STT3A: variants seen among roughly 807,000 people sequenced by gnomAD.
The protein encoded by STT3A is dolichyl-diphosphooligosaccharide--protein glycosyltransferase subunit STT3A.
A neutral mutation model predicts 89.2 loss-of-function variants in STT3A; 34 were observed. That is an observed-to-expected ratio of 0.38 (90% CI 0.29 to 0.51). STT3A has a LOEUF of 0.51. STT3A is among the 20% of genes least tolerant of loss of function. The pLI, the probability that STT3A is intolerant of heterozygous loss-of-function variation, is 0.89. For missense variants in STT3A, 555 were observed against 889.5 expected (o/e 0.62, Z 4.78); for synonymous variants, 282 against 310.3 (o/e 0.91, Z 0.96).
In STT3A at chr11:125,621,802, C is replaced by T. The variant is rs1327891918; in HGVS notation, c.*992C>T. On this transcript the variant is annotated 3_prime_UTR_variant, in exon 18 of 18. Coordinates refer to ENST00000392708, the MANE Select transcript of STT3A (RefSeq NM_152713.5). ...CAGGTCCCTAGAGAGCAGTGCCAGC[C>T]TGCCTGCAAGAAAAGAGGAGAAACT... 6.6e-6 allele frequency: 1 copy of T among 152,184 alleles called. No individual in the cohort carries two copies. The highest frequency in any genetic ancestry group is 6.5e-5 in the Admixed American group (1 of 15,276). 9.4% of individuals were successfully genotyped at this position (152,184 alleles called of 1,614,324 possible). A position where few individuals can be genotyped will look rare whatever the true frequency, so the allele number is the denominator to read the frequency against.
At chr11:125,608,534 C>G in intron 9 of STT3A, 1 of 341,980 alleles carries the variant, frequency 2.9e-6, no homozygotes, top group East Asian at 6.4e-5. Flanking sequence ...CCATGTTTGT[C>G]AGGCTGGTCT....
intron 9 of STT3A, 125 bp from the exon 10 acceptor site, chr11:125,609,309 T>G: frequency 8.6e-6 from 11 of 1,280,144 alleles, no homozygotes; most frequent in Non-Finnish European, 1.2e-5. Context: ...TTGGTGGCAA[T>G]TAAGCAAAAA....
At chr11:125,618,744 A>ATTTTTTTTTTTTTTTTTTT (rs1565353087) in intron 16 of STT3A, among the ~76,000 whole-genome samples, 183 bp downstream of exon 16, 3 of 151,456 alleles carry the variant, frequency 2.0e-5, no homozygotes, top group African/African-American at 7.3e-5. Flanking sequence ...TTGTTTGCAT[A>ATTTTTTTTTTTTTTTTTTT]TTTTTTTGAG....
Position 125,614,381 on chromosome 11 carries a change from T to G in STT3A, c.1729T>G (p.Tyr577Asp). 3 of 1,614,150 alleles carry G rather than the reference T, an allele frequency of 1.9e-6. No homozygotes were observed. The highest frequency in any genetic ancestry group is 2.5e-6 in the Non-Finnish European group (3 of 1,179,984). ...GATCATGAGGGAGCTCGATGTCAGC[T>G]ATGTGCTGGTCATTTTTGGAGGCCT... ...YEIMRELDVS[Y>D]VLVIFGGLTG... Residue 577 changes from tyrosine to aspartate, a missense_variant, in exon 15 of 18, where the codon TAT becomes GAT. Tyr to Asp is a radical substitution (Grantham distance 160, BLOSUM62 -3). Transcript: ENST00000392708. This position sits in a 1 kb window ranked among gnomAD's most constrained non-coding sequence, Gnocchi z 4.9.
At chr11:125,605,272 A>G (rs1160610101) in intron 6 of STT3A, among the ~76,000 whole-genome samples, 1 of 152,158 alleles carries the variant, frequency 6.6e-6, no homozygotes, top group Non-Finnish European at 1.5e-5. Flanking sequence ...TTATATGTTA[A>G]GACATAGAGG....
Position 125,614,404 on chromosome 11 carries a change from C to G in STT3A, c.1752C>G (p.Gly584=), listed in dbSNP as rs199827787. The change falls in exon 15 of 18, where the codon GGC becomes GGG. Residue 584 remains glycine (G), a synonymous_variant. Coordinates refer to ENST00000392708, the MANE Select transcript of STT3A (RefSeq NM_152713.5). This position sits in a 1 kb window ranked among gnomAD's most constrained non-coding sequence, Gnocchi z 4.9. ...GCTATGTGCTGGTCATTTTTGGAGGCCTCACTGGGTATTCCTCTGATGGTA... is the reference window on the plus strand; with the variant it reads ...GCTATGTGCTGGTCATTTTTGGAGGGCTCACTGGGTATTCCTCTGATGGTA... The part of the protein sequence containing the change: ...DVSYVLVIFG[G]LTGYSSDDIN... 5.1e-4 allele frequency: 820 copies of G among 1,613,926 alleles called. No homozygotes were observed. Among genetic ancestry groups the G allele is most frequent in the Non-Finnish European group, 6.6e-4 (780 of 1,179,874 alleles).
At position 125,613,140 on chromosome 11, in the gene STT3A, G is replaced by A. The variant is rs1246168272; in HGVS notation, c.1517G>A (p.Arg506Gln). The A allele has an allele frequency of 1.2e-6, 2 of 1,613,102 alleles. No homozygotes were observed. The highest frequency in any genetic ancestry group is 1.7e-6 in the Non-Finnish European group (2 of 1,179,438). ...AGTAGGATCATATTTGATGACTTCC[G>A]AGAAGCATATTATTGGCTTCGTCAT... ...DGSRIIFDDF[R>Q]EAYYWLRHNT... Residue 506 changes from arginine to glutamine, a missense_variant, in exon 13 of 18, where the codon CGA becomes CAA. Physicochemically the swap from Arg to Gln is conservative, Grantham distance 43. Coordinates refer to ENST00000392708, the MANE Select transcript of STT3A (RefSeq NM_152713.5). This position sits in a 1 kb window ranked among gnomAD's most constrained non-coding sequence, Gnocchi z 4.2.
rs540684198 is a variant in STT3A, at chr11:125,602,377, G to A, written c.224G>A (p.Arg75Gln). The change falls in exon 4 of 18, where the codon CGA becomes CAA. Residue 75 changes from arginine (R) to glutamine (Q), a missense_variant. By Grantham distance (43) the Arg-to-Gln change is conservative. Transcript: ENST00000392708. ...FYKFHNWFDD[R>Q]AWYPLGRIIG... Reference sequence around the variant, plus strand: ...AAATTCCATAACTGGTTTGATGACCGAGCCTGGTACCCTTTGGGACGAATC... The same window carrying A: ...AAATTCCATAACTGGTTTGATGACCAAGCCTGGTACCCTTTGGGACGAATC... 1.1e-5 allele frequency: 18 copies of A among 1,613,592 alleles called. No homozygotes were observed. The highest frequency in any genetic ancestry group is 1.3e-5 in the African/African-American group (1 of 74,902).
At chr11:125,607,065 T>C (rs1402532563) in intron 8 of STT3A, among the ~76,000 whole-genome samples, 1 of 152,216 alleles carries the variant, frequency 6.6e-6, no homozygotes, top group African/African-American at 2.4e-5. Context: ...GGTGTGAAAG[T>C]GATCTGCATT....
chr11:125,604,383 T>C (rs370607544), intron 6 of STT3A, 136 bp downstream of exon 6: 19 of 802,306 alleles, frequency 2.4e-5, no homozygotes, highest in East Asian at 1.4e-4. Flanking sequence ...GAACGGATCT[T>C]GGACAAGCTC....
rs1940362890 is a variant in STT3A at position 125,622,015 on chromosome 11, A to T, written c.*1205A>T. On this transcript the variant is annotated 3_prime_UTR_variant, in exon 18 of 18. Transcript: ENST00000392708. ...GTGCCACTGTACTCCAGTCTGGGCGACAGTGAAATCTTGTCTAAACAAAAA... is the reference window on the plus strand; with the variant it reads ...GTGCCACTGTACTCCAGTCTGGGCGTCAGTGAAATCTTGTCTAAACAAAAA... The T allele has an allele frequency of 6.6e-6, 1 of 152,236 alleles. No individual in the cohort carries two copies. The highest frequency in any genetic ancestry group is 2.4e-5 in the African/African-American group (1 of 41,450). 9.4% of individuals were successfully genotyped at this position (152,236 alleles called of 1,614,324 possible).
rs11220152 is a variant in STT3A at position 125,610,718 on chromosome 11, G to A, written c.1118-710G>A. ...AAAAAAAATAATAATAATAATGCGC[G>A]CACACACCCATACCCACACACACCC... On this transcript the variant is annotated intron_variant, in intron 10 of 17. Coordinates refer to ENST00000392708, the MANE Select transcript of STT3A (RefSeq NM_152713.5). The A allele has an allele frequency of 5.4e-3, 427 of 79,370 alleles. 1 individual carries two copies. The highest frequency in any genetic ancestry group is 0.016 in the African/African-American group (379 of 23,408). The allele number at this position is 79,370 out of a possible 1,614,324, so 4.9% of individuals were successfully genotyped here.
At chr11:125,597,724 A>G (rs1029603381) in intron 3 of STT3A, among the ~76,000 whole-genome samples, 3 of 152,254 alleles carry the variant, frequency 2.0e-5, no homozygotes, top group Non-Finnish European at 4.4e-5. Flanking sequence ...TTCTAGGGCA[A>G]TGAAAAAACT....
chr11:125,620,203 A>T (rs2135950966), intron 17 of STT3A, 77 bp downstream of exon 17: 1 of 1,162,012 alleles, frequency 8.6e-7, no homozygotes, highest in East Asian at 2.4e-5. Flanking sequence ...AATGGGACAT[A>T]TATTTCTCAA....
intron 4 of STT3A, 28 bp downstream of exon 4, chr11:125,602,452 T>TAA (rs767376722): frequency 7.3e-6 from 11 of 1,513,660 alleles, no homozygotes; most frequent in African/African-American, 2.9e-5. Context: ...GTTTTTTTTT[T>TAA]TAAAAAAAAA....
In STT3A at chr11:125,614,528, T is replaced by C. The variant is rs1940119097; in HGVS notation, c.1774+102T>C. On this transcript the variant is annotated intron_variant, in intron 15 of 17. Coordinates refer to ENST00000392708, the MANE Select transcript of STT3A (RefSeq NM_152713.5). The surrounding 1 kb of genome is among the most constrained non-coding windows in gnomAD (Gnocchi z 4.9). ...CTTTTACTAATATTTTACTAAGATA[T>C]TTTTCTTTCATGGGAAGTTCCTAAG... 3 of 1,201,526 alleles carry C rather than the reference T, an allele frequency of 2.5e-6. No homozygotes were observed. The highest frequency in any genetic ancestry group is 3.5e-6 in the Non-Finnish European group (3 of 856,208). 74.4% of individuals were successfully genotyped at this position (1,201,526 alleles called of 1,614,324 possible). A position where few individuals can be genotyped will look rare whatever the true frequency, so the allele number is the denominator to read the frequency against.
At chr11:125,592,290 A>G (rs1171851486), upstream of STT3A, 2 of 402,742 alleles carry the variant, frequency 5.0e-6, no homozygotes, top group Non-Finnish European at 1.0e-5. Context: ...GCTCGAGTCA[A>G]CTATCAGGCA....
In STT3A at chr11:125,620,033, T is replaced by C. The variant is rs768573481; in HGVS notation, c.1986T>C (p.Arg662=). 4 of 1,614,002 alleles carry C rather than the reference T, an allele frequency of 2.5e-6. No homozygotes were observed. In the African/African-American group the frequency reaches 4.0e-5, roughly 16 times the overall value. ...TAGAGCGTCCTCCAGGCTTTGACCG[T>C]GTCCGAAATGCTGAGATTGGGAATA... ...TEAKRPPGFD[R]VRNAEIGNKD... is the part of the protein sequence containing the mutation. Residue 662 remains arginine, a synonymous_variant, in exon 17 of 18, where the codon CGT becomes CGC. Transcript: ENST00000392708.
Position 125,612,155 on chromosome 11 carries a change from C to T in STT3A, c.1210-437C>T, listed in dbSNP as rs771627911. Reference sequence around the variant, plus strand: ...CCTCCCAAAGTGCTGGGATTACAGGCGTGAGCCACTGAGAATACACACATT... The same window carrying T: ...CCTCCCAAAGTGCTGGGATTACAGGTGTGAGCCACTGAGAATACACACATT... On this transcript the variant is annotated intron_variant, in intron 11 of 17. Coordinates refer to ENST00000392708, the MANE Select transcript of STT3A (RefSeq NM_152713.5). Among the ~76,000 whole-genome samples the T allele has an allele frequency of 2.6e-5, 4 of 151,952 alleles. No individual in the cohort carries two copies. The South Asian group carries it at 6.2e-4, about 24-fold the overall frequency.
Sources: allele counts gnomAD v4.1 joint callset (sites outside exome capture counted in the v4.1 genomes callset), GRCh38; gene constraint gnomAD v4.1.1; non-coding constraint Gnocchi (gnomAD v3.1); transcripts MANE v1.5; gene names NCBI Gene and HGNC (gene_info 2026-07-23, HGNC 2026-07-21).